The following ABCA5 variants were observed in gnomAD, a reference collection of about 807,000 sequenced individuals.
ABCA5 encodes the protein ATP binding cassette subfamily A member 5, also known as cholesterol transporter ABCA5.
Under a neutral mutation model 206.0 loss-of-function variants are expected in ABCA5, and 163 were observed. The observed-to-expected ratio is 0.79, with a 90% CI of 0.70 to 0.90. ABCA5 has a LOEUF of 0.90. Among genes scored for constraint, ABCA5 ranks in the 40% least tolerant of loss-of-function variants. The pLI is 0.00. For synonymous variants in ABCA5, 609 were observed against 613.8 expected, an observed-to-expected ratio of 0.99 and a Z score of 0.11; for missense variants, 1,859 against 1,912.9, an observed-to-expected ratio of 0.97 and a Z score of 0.53.
At chr17:69,309,190 T>A in intron 4 of ABCA5, 72 bp downstream of exon 4, 1 of 1,267,580 alleles carries the variant, frequency 7.9e-7, no homozygotes, top group Non-Finnish European at 1.1e-6. Flanking sequence ...CTATATAAAA[T>A]TTTGACTATG....
Position 69,294,712 on chromosome 17 carries a change from T to A in ABCA5, c.1438A>T (p.Ile480Phe). 1.3e-6 allele frequency: 2 copies of A among 1,589,406 alleles called. No homozygotes were observed. The highest frequency in any genetic ancestry group is 1.7e-6 in the Non-Finnish European group (2 of 1,162,476). ...SEFVGKEAIR[I>F]SGIQKTYRKK... The stretch of plus-strand genomic sequence containing the variant: ...CTGTATGTCTTCTGAATACCACTAA[T>A]TCTGAAATATAAAGTTTTATATTTT... The change falls in exon 11 of 39, where the codon ATT becomes TTT. Residue 480 changes from isoleucine to phenylalanine, a missense_variant and splice_region_variant. Coordinates refer to ENST00000392676, the MANE Select transcript of ABCA5 (RefSeq NM_172232.4).
At chr17:69,276,614 T>A (rs921951700) in intron 19 of ABCA5, among the ~76,000 whole-genome samples, 7 of 152,002 alleles carry the variant, frequency 4.6e-5, no homozygotes, top group African/African-American at 1.4e-4. Context: ...CGAGAACACA[T>A]GGACACAAGG....
At chr17:69,275,450 T>TA (rs1216421293) in intron 19 of ABCA5, among the ~76,000 whole-genome samples, 1 of 152,186 alleles carries the variant, frequency 6.6e-6, no homozygotes, top group East Asian at 1.9e-4. Flanking sequence ...GTAATTTTTT[T>TA]AAAAAAATTC....
At chr17:69,309,453 T>C in intron 3 of ABCA5, 30 bp from the exon 4 acceptor site, 1 of 1,440,408 alleles carries the variant, frequency 6.9e-7, no homozygotes. Flanking sequence ...TATAGTTAGC[T>C]CACAAATTAA....
rs2075567004 is a variant in ABCA5 at position 69,294,681 on chromosome 17, T to C, written c.1469A>G (p.Lys490Arg). ...TCTCAAAGCCTCCACATTTTCACCC[T>C]TCTTTCTGTATGTCTTCTGAATACC... ...ISGIQKTYRKKGENVEALRNL... is the reference protein window; with the variant it reads ...ISGIQKTYRKRGENVEALRNL... The change falls in exon 11 of 39, where the codon AAG (lysine) becomes AGG (arginine). Residue 490 changes from lysine (K) to arginine (R), a missense_variant. Transcript: ENST00000392676. 6.2e-7 allele frequency: 1 copy of C among 1,607,504 alleles called. No homozygotes were observed. The highest frequency in any genetic ancestry group is 8.5e-7 in the Non-Finnish European group (1 of 1,175,542).
intron 21 of ABCA5, 41 bp downstream of exon 21, chr17:69,271,121 A>T (rs985086072): frequency 3.7e-5 from 59 of 1,578,620 alleles, no homozygotes; most frequent in Non-Finnish European, 4.9e-5. Context: ...TTAATCTTGC[A>T]TAACTCCCAA....
At chr17:69,261,350 TCTAATAAAACATGGAACA>T (rs1156653645) in intron 25 of ABCA5, 91 bp from the exon 26 acceptor site, 1 of 1,202,062 alleles carries the variant, frequency 8.3e-7, no homozygotes, top group East Asian at 2.5e-5. Flanking sequence ...TTTTCAATCC[TCTAATAAAACATGGAACA>T]AGAGATGATA....
At chr17:69,256,697 C>G (rs561622312) in intron 28 of ABCA5, among the ~76,000 whole-genome samples, 1 of 152,026 alleles carries the variant, frequency 6.6e-6, no homozygotes, top group African/African-American at 2.4e-5. Flanking sequence ...CTCAAAAGAT[C>G]CACCTGCCTC....
chr17:69,288,519 C>A (rs1010285491), intron 14 of ABCA5, among the ~76,000 whole-genome samples: 1 of 151,938 alleles, frequency 6.6e-6, no homozygotes, highest in Non-Finnish European at 1.5e-5. Context: ...AGCTACCATT[C>A]CAATTCAGCA....
intron 17 of ABCA5, among the ~76,000 whole-genome samples, chr17:69,284,643 T>C (rs1381209642): frequency 1.3e-5 from 2 of 152,144 alleles, no homozygotes; most frequent in Non-Finnish European, 2.9e-5. Context: ...ACAAAAATAA[T>C]GAGAAGAGAA....
intron 28 of ABCA5, among the ~76,000 whole-genome samples, chr17:69,257,368 A>G (rs1397885739): frequency 6.6e-6 from 1 of 151,974 alleles, no homozygotes; most frequent in Non-Finnish European, 1.5e-5. Context: ...AAAAAAAAAA[A>G]AAGAAAAATG....
chr17:69,298,316 G>GGAAGGA (rs1368530754), intron 9 of ABCA5, among the ~76,000 whole-genome samples: 580 of 41,902 alleles, frequency 0.014, 10 homozygotes, highest in Admixed American at 0.024. Flanking sequence ...AAGAGAGAGA[G>GGAAGGA]AGGAAGGAAG....
chr17:69,315,841 A>G (rs1207400166), intron 1 of ABCA5, among the ~76,000 whole-genome samples: 1 of 152,120 alleles, frequency 6.6e-6, no homozygotes, highest in Non-Finnish European at 1.5e-5. Context: ...ACCAATGCTG[A>G]AATAACACAG....
intron 15 of ABCA5, among the ~76,000 whole-genome samples, chr17:69,287,029 G>C (rs187070861): frequency 8.1e-4 from 124 of 152,276 alleles, no homozygotes; most frequent in African/African-American, 2.9e-3. Flanking sequence ...TCTCAAAACA[G>C]GTAAGAGTGG....
chr17:69,316,701 GA>G (rs983577589), intron 1 of ABCA5, among the ~76,000 whole-genome samples: 3 of 150,708 alleles, frequency 2.0e-5, no homozygotes, highest in African/African-American at 7.3e-5. Context: ...AAAACATAAA[GA>G]AAATCCATGC....
At chr17:69,265,915 T>C (rs1438960861) in intron 23 of ABCA5, among the ~76,000 whole-genome samples, 2 of 152,178 alleles carry the variant, frequency 1.3e-5, no homozygotes, top group South Asian at 2.1e-4. Context: ...AATTCAGCAA[T>C]TGCACTCTTG....
rs774507471 is a variant in ABCA5, at chr17:69,248,335, T to C, written c.4766-18A>G. On this transcript the variant is annotated intron_variant, in intron 37 of 38. Transcript: ENST00000392676. The stretch of plus-strand genomic sequence containing the variant: ...ATGTTTAGCTATTAAAATATAAAAA[T>C]AGTATTTTACTTATCAATATCTGAA... 1.2e-5 allele frequency: 17 copies of C among 1,462,936 alleles called. No individual in the cohort carries two copies. The highest frequency in any genetic ancestry group is 7.3e-5 in the East Asian group (3 of 41,250). 90.6% of individuals were successfully genotyped at this position (1,462,936 alleles called of 1,614,324 possible).
At position 69,287,770 on chromosome 17, in the gene ABCA5, A is replaced by C. The variant is rs1344766562; in HGVS notation, c.1903-19T>G. ...GCAGTATCTGTGTGAAAAGAGGTGAAGAAGGGCAGGGAATCCTCAGAAAAA... is the reference window on the plus strand; with the variant it reads ...GCAGTATCTGTGTGAAAAGAGGTGACGAAGGGCAGGGAATCCTCAGAAAAA... On this transcript the variant is annotated intron_variant, in intron 14 of 38. Transcript: ENST00000392676. 1 of 1,607,256 alleles carries C rather than the reference A, an allele frequency of 6.2e-7. No homozygotes were observed. The highest frequency in any genetic ancestry group is 8.5e-7 in the Non-Finnish European group (1 of 1,176,996).
chr17:69,316,357 G>A (rs566151182), intron 1 of ABCA5, among the ~76,000 whole-genome samples: 1 of 152,016 alleles, frequency 6.6e-6, no homozygotes, highest in Non-Finnish European at 1.5e-5. Flanking sequence ...GCCAGGTGTG[G>A]TGGTGGGCGC....
Sources: gnomAD v4.1 joint callset for allele counts (sites outside exome capture counted in the v4.1 genomes callset) on GRCh38, gnomAD v4.1.1 for gene constraint, MANE v1.5 for transcripts, NCBI Gene and HGNC (gene_info 2026-07-23, HGNC 2026-07-21) for gene names.